The following PANK1 variants were observed in gnomAD, a reference collection of about 807,000 sequenced individuals.
PANK1 encodes the protein pantothenate kinase 1, also known as pantothenic acid kinase 1.
PANK1 carries 18 observed loss-of-function variants against 40.1 expected under a neutral mutation model. That is an observed-to-expected ratio of 0.45 (90% CI 0.31 to 0.67). PANK1 has a LOEUF of 0.67. PANK1 is among the 30% of genes least tolerant of loss of function. The probability of loss-of-function intolerance (pLI) is 0.06; values close to 1 mark genes in which losing one functional copy is unlikely to be tolerated. For missense variants in PANK1, 457 were observed against 599.6 expected (o/e 0.76, Z 2.48); for synonymous variants, 242 against 237.7 (o/e 1.02, Z -0.17).
chr10:89,624,401 T>A (rs1189761296), intron 1 of PANK1, among the ~76,000 whole-genome samples: 2 of 152,180 alleles, frequency 1.3e-5, no homozygotes, highest in East Asian at 3.8e-4. Flanking sequence ...TAATAAAATA[T>A]AACTTTTATT....
At chr10:89,623,200 CA>C (rs1398772735) in intron 1 of PANK1, among the ~76,000 whole-genome samples, 6 of 151,894 alleles carry the variant, frequency 4.0e-5, no homozygotes, top group Non-Finnish European at 8.8e-5. Context: ...GCTTTTCTGA[CA>C]CTTTTCTTAT....
At chr10:89,612,801 A>C (rs1845201297) in intron 1 of PANK1, among the ~76,000 whole-genome samples, 1 of 152,228 alleles carries the variant, frequency 6.6e-6, no homozygotes, top group Admixed American at 6.5e-5. Flanking sequence ...TCAGCTGAGA[A>C]GCTTTTAATA....
At chr10:89,598,454 TCTC>T (rs1353650407) in intron 3 of PANK1, among the ~76,000 whole-genome samples, 3 of 152,238 alleles carry the variant, frequency 2.0e-5, no homozygotes, top group African/African-American at 7.2e-5. Flanking sequence ...ATGGCACTAA[TCTC>T]CTAAGTTGTT....
intron 2 of PANK1, among the ~76,000 whole-genome samples, chr10:89,607,190 G>C (rs908502474): frequency 2.0e-5 from 3 of 152,124 alleles, no homozygotes; most frequent in African/African-American, 7.2e-5. Flanking sequence ...CTCTTCCTTT[G>C]ACTTGAATAT....
At chr10:89,617,000 C>T (rs1845340110) in intron 1 of PANK1, among the ~76,000 whole-genome samples, 1 of 152,188 alleles carries the variant, frequency 6.6e-6, no homozygotes, top group African/African-American at 2.4e-5. Context: ...GTGATAGATA[C>T]ATTGTTACTT....
chr10:89,610,025 C>T (rs1413207401), intron 2 of PANK1, among the ~76,000 whole-genome samples: 1 of 152,198 alleles, frequency 6.6e-6, no homozygotes. Context: ...GAGAGTGGAT[C>T]AGCATTTCCT....
At chr10:89,639,613 C>A (rs960031762) in intron 1 of PANK1, among the ~76,000 whole-genome samples, 1 of 152,290 alleles carries the variant, frequency 6.6e-6, no homozygotes, top group Non-Finnish European at 1.5e-5. Flanking sequence ...GTAGGAAATG[C>A]GGACCTGAAT....
At chr10:89,638,634 G>A (rs1010272507) in intron 1 of PANK1, among the ~76,000 whole-genome samples, 6 of 151,888 alleles carry the variant, frequency 4.0e-5, no homozygotes, top group African/African-American at 4.8e-5. Flanking sequence ...ATCAAATATC[G>A]TAGTTTATTG....
At chr10:89,626,380 C>G (rs1030055711) in intron 1 of PANK1, 2 of 150,440 alleles carry the variant, frequency 1.3e-5, no homozygotes, top group African/African-American at 4.9e-5. Flanking sequence ...TCTCGGCTCA[C>G]TGCAAGCTCC....
At position 89,644,960 on chromosome 10, in the gene PANK1, T is replaced by C; in HGVS notation, c.-69A>G. The C allele has an allele frequency of 2.5e-6, 4 of 1,572,902 alleles. No homozygotes were observed. The highest frequency in any genetic ancestry group is 3.4e-6 in the Non-Finnish European group (4 of 1,163,016). ...CCTCGCTGGAGGTCATTCTCCGGCG[T>C]CTTTATTTCCCCGGATCCTCCCTGC... On this transcript the variant is annotated 5_prime_UTR_variant, in exon 1 of 7. Transcript: ENST00000307534.
chr10:89,628,152 T>C (rs1841527896), intron 1 of PANK1, among the ~76,000 whole-genome samples: 1 of 152,240 alleles, frequency 6.6e-6, no homozygotes, highest in Non-Finnish European at 1.5e-5. Context: ...AGTTACTATA[T>C]GATCTAGCAA....
intron 1 of PANK1, among the ~76,000 whole-genome samples, chr10:89,624,205 TCA>T (rs1845592817): frequency 6.6e-6 from 1 of 152,214 alleles, no homozygotes; most frequent in Non-Finnish European, 1.5e-5. Flanking sequence ...CTGAATTTCA[TCA>T]CCTCTGCTGC....
intron 1 of PANK1, among the ~76,000 whole-genome samples, chr10:89,613,545 T>G (rs1405281759): frequency 6.6e-6 from 1 of 152,220 alleles, no homozygotes. Context: ...AGATAGCTGC[T>G]TCTCACTTGT....
intron 2 of PANK1, among the ~76,000 whole-genome samples, chr10:89,611,133 T>C (rs1277456065): frequency 6.6e-6 from 1 of 152,204 alleles, no homozygotes; most frequent in Non-Finnish European, 1.5e-5. Flanking sequence ...AAAATTATAC[T>C]CCCTAAATGG....
At chr10:89,614,705 G>C (rs1238579400) in intron 1 of PANK1, among the ~76,000 whole-genome samples, 2 of 152,078 alleles carry the variant, frequency 1.3e-5, no homozygotes, top group Non-Finnish European at 2.9e-5. Context: ...GCTGAGGTGG[G>C]AGGATCACAT....
chr10:89,633,644 T>G (rs962885003), intron 1 of PANK1, among the ~76,000 whole-genome samples: 14 of 152,204 alleles, frequency 9.2e-5, no homozygotes, highest in African/African-American at 3.4e-4. Context: ...CTGGAGCTAT[T>G]ACAGCATCTG....
chr10:89,628,347 C>CA (rs1487390136), intron 1 of PANK1, among the ~76,000 whole-genome samples: 4 of 152,014 alleles, frequency 2.6e-5, no homozygotes, highest in Non-Finnish European at 5.9e-5. Context: ...TATCTGGCCA[C>CA]AAAAAAGGAC....
intron 2 of PANK1, among the ~76,000 whole-genome samples, chr10:89,608,624 C>A (rs1845051661): frequency 2.0e-5 from 3 of 152,178 alleles, no homozygotes; most frequent in Admixed American, 1.3e-4. Flanking sequence ...TGTTGTACAT[C>A]TTTTACCTAG....
At chr10:89,593,089 G>C in intron 5 of PANK1, 108 bp downstream of exon 5, 1 of 1,125,042 alleles carries the variant, frequency 8.9e-7, no homozygotes, top group South Asian at 1.4e-5. Context: ...AGAGTAAAGG[G>C]AAGCTTTCCT....
Sources: allele counts gnomAD v4.1 joint callset (sites outside exome capture counted in the v4.1 genomes callset), GRCh38; gene constraint gnomAD v4.1.1; transcripts MANE v1.5; gene names NCBI Gene and HGNC (gene_info 2026-07-23, HGNC 2026-07-21).